The following NBAS variants were observed in gnomAD, a reference collection of about 807,000 sequenced individuals.
The protein encoded by NBAS is NBAS subunit of NRZ tethering complex, also known as NAG/BC035112 fusion.
Under a neutral mutation model 302.5 loss-of-function variants are expected in NBAS, and 219 were observed. That is an observed-to-expected ratio of 0.72 (90% confidence interval 0.65 to 0.81). The LOEUF (loss-of-function observed/expected upper bound fraction) is 0.81, where lower values mean the gene tolerates loss of function less well. Among genes scored for constraint, NBAS ranks in the 30% least tolerant of loss-of-function variants. NBAS has a pLI of 0.00. For synonymous variants in NBAS, 1,118 were observed against 1,021.6 expected (o/e 1.09, Z -1.80); for missense variants, 2,932 against 2,841.6 (o/e 1.03, Z -0.72).
chr2:15,356,980 G>A (rs1673650794), intron 32 of NBAS, among the ~76,000 whole-genome samples: 2 of 152,138 alleles, frequency 1.3e-5, no homozygotes, highest in Non-Finnish European at 2.9e-5. Context: ...CCCAATTTTA[G>A]CACAACTTCT....
At chr2:15,416,070 A>G (rs1355945337) in intron 24 of NBAS, among the ~76,000 whole-genome samples, 1 of 151,882 alleles carries the variant, frequency 6.6e-6, no homozygotes, top group Non-Finnish European at 1.5e-5. Flanking sequence ...AGCAAAGAGA[A>G]GGCATACGCA....
chr2:15,033,111 G>A, the NBAS span, among the ~76,000 whole-genome samples: 4 of 152,242 alleles, frequency 2.6e-5, no homozygotes, highest in African/African-American at 9.6e-5. Flanking sequence ...CTGGAAAGTG[G>A]AACGGCCACT....
intron 22 of NBAS, 106 bp from the exon 23 acceptor site, chr2:15,424,574 G>T: frequency 7.7e-7 from 1 of 1,294,472 alleles, no homozygotes; most frequent in Non-Finnish European, 1.1e-6. Context: ...GTAAGAGACA[G>T]GGAGCATACA....
chr2:15,482,266 G>C (rs1042993476), intron 12 of NBAS, among the ~76,000 whole-genome samples: 2 of 152,090 alleles, frequency 1.3e-5, no homozygotes, highest in African/African-American at 4.8e-5. Context: ...GAGTAGCTGG[G>C]AATATGGGCA....
chr2:15,009,902 A>C, the NBAS span, among the ~76,000 whole-genome samples: 5 of 152,192 alleles, frequency 3.3e-5, no homozygotes, highest in East Asian at 9.6e-4. Context: ...CAGAGCTTAC[A>C]TAACAAACTA....
the NBAS span, among the ~76,000 whole-genome samples, chr2:15,001,876 T>G: frequency 6.6e-6 from 1 of 152,072 alleles, no homozygotes; most frequent in East Asian, 1.9e-4. Flanking sequence ...AGTAGCAAGA[T>G]TTATTGCAAA....
At chr2:15,232,305 T>C in intron 47 of NBAS, 117 bp downstream of exon 47, 1 of 940,366 alleles carries the variant, frequency 1.1e-6, no homozygotes, top group East Asian at 2.6e-5. Flanking sequence ...AGCCGCTCCT[T>C]TCCCACCTAA....
chr2:15,073,313 T>C, the NBAS span, among the ~76,000 whole-genome samples: 59 of 151,866 alleles, frequency 3.9e-4, no homozygotes, highest in African/African-American at 1.4e-3. Flanking sequence ...ACACTGTCTC[T>C]ACTAAAAATA....
intron 21 of NBAS, among the ~76,000 whole-genome samples, chr2:15,434,115 A>T (rs1677894121): frequency 6.6e-6 from 1 of 152,002 alleles, no homozygotes; most frequent in Admixed American, 6.6e-5. Context: ...ACAGAGAGAG[A>T]CTGTCTCAAA....
At chr2:15,473,478 AC>A in intron 15 of NBAS, 131 bp from the exon 16 acceptor site, 1 of 1,168,328 alleles carries the variant, frequency 8.6e-7, no homozygotes, top group Non-Finnish European at 1.2e-6. Flanking sequence ...GCACTGTGGC[AC>A]CAGAAGCTCA....
intron 38 of NBAS, among the ~76,000 whole-genome samples, chr2:15,320,293 A>G (rs2148198503): frequency 6.6e-6 from 1 of 152,326 alleles, no homozygotes; most frequent in East Asian, 1.9e-4. Flanking sequence ...CCAATATCAT[A>G]CTGAATGGGC....
the NBAS span, among the ~76,000 whole-genome samples, chr2:15,020,409 A>G: frequency 6.6e-6 from 1 of 152,216 alleles, no homozygotes; most frequent in African/African-American, 2.4e-5. Flanking sequence ...AGATGCAACA[A>G]GAGCTGGAGC....
chr2:14,990,153 C>A, the NBAS span, among the ~76,000 whole-genome samples: 29 of 151,384 alleles, frequency 1.9e-4, no homozygotes, highest in African/African-American at 6.8e-4. Flanking sequence ...TGGCTCACAC[C>A]TGTAACCCCA....
chr2:15,478,407 ACAAC>A, intron 12 of NBAS, 118 bp from the exon 13 acceptor site: 2 of 755,036 alleles, frequency 2.6e-6, no homozygotes, highest in Non-Finnish European at 4.5e-6. Flanking sequence ...TCTCTCAATT[ACAAC>A]TAATTGAAAT....
At chr2:14,848,559 C>G in the NBAS span, among the ~76,000 whole-genome samples, 1 of 140,508 alleles carries the variant, frequency 7.1e-6, no homozygotes, top group Non-Finnish European at 1.5e-5. Flanking sequence ...GAAGCTTGAA[C>G]TGGGTGGAGC....
At chr2:15,432,692 A>C (rs1677823126) in intron 21 of NBAS, among the ~76,000 whole-genome samples, 2 of 152,164 alleles carry the variant, frequency 1.3e-5, no homozygotes, top group African/African-American at 4.8e-5. Context: ...TTTAGCAGAG[A>C]ATAAAACGTT....
At chr2:15,559,102 C>A (rs1477140806) in intron 1 of NBAS, among the ~76,000 whole-genome samples, 1 of 143,764 alleles carries the variant, frequency 7.0e-6, no homozygotes, top group African/African-American at 2.5e-5. Context: ...ACACAGGACG[C>A]GGGACAATAG....
the NBAS span, among the ~76,000 whole-genome samples, chr2:14,871,604 T>C: frequency 3.3e-5 from 5 of 152,046 alleles, no homozygotes; most frequent in African/African-American, 1.2e-4. Context: ...TGAAGGTTTA[T>C]AACATGTGGA....
chr2:15,298,588 T>C (rs1572613537), intron 40 of NBAS, among the ~76,000 whole-genome samples: 1 of 152,230 alleles, frequency 6.6e-6, no homozygotes, highest in African/African-American at 2.4e-5. Flanking sequence ...ACTGGTACTT[T>C]CTATCTCTTC....
Sources: gnomAD v4.1 joint callset for allele counts (sites outside exome capture counted in the v4.1 genomes callset) on GRCh38, gnomAD v4.1.1 for gene constraint, MANE v1.5 for transcripts, NCBI Gene and HGNC (gene_info 2026-07-23, HGNC 2026-07-21) for gene names.